COL11A1: variants seen among roughly 807,000 people sequenced by gnomAD.
The protein encoded by COL11A1 is collagen alpha-1(XI) chain.
A neutral mutation model predicts 265.2 loss-of-function variants in COL11A1; 74 were observed. The ratio of observed to expected loss-of-function variants is 0.28; its 90% CI spans 0.23 to 0.34. The LOEUF (loss-of-function observed/expected upper bound fraction) is 0.34. Among genes scored for constraint, COL11A1 ranks in the 10% least tolerant of loss-of-function variants. The pLI is 1.00. For missense variants in COL11A1, 2,165 were observed against 2,263.6 expected, an observed-to-expected ratio of 0.96 and a Z score of 0.88; for synonymous variants, 816 against 727.6, an observed-to-expected ratio of 1.12 and a Z score of -1.96.
intron 4 of COL11A1, among the ~76,000 whole-genome samples, chr1:103,068,344 A>C (rs560261026): frequency 3.3e-5 from 5 of 151,776 alleles, no homozygotes; most frequent in East Asian, 1.9e-4. Flanking sequence ...AGGAAAAAAA[A>C]CCCGCATGAT....
intron 1 of COL11A1, among the ~76,000 whole-genome samples, chr1:103,088,612 C>T (rs1673059215): frequency 6.6e-6 from 1 of 152,132 alleles, no homozygotes; most frequent in African/African-American, 2.4e-5. Context: ...TATATATTGT[C>T]CATAGCTGCT....
intron 53 of COL11A1, among the ~76,000 whole-genome samples, chr1:102,912,586 T>A (rs1423869269): frequency 6.6e-6 from 1 of 152,216 alleles, no homozygotes; most frequent in African/African-American, 2.4e-5. Context: ...TACTATTACT[T>A]TTAAATTTAT....
At chr1:103,005,762 C>A (rs1409536074) in intron 18 of COL11A1, 76 bp downstream of exon 18, 4 of 1,552,540 alleles carry the variant, frequency 2.6e-6, no homozygotes, top group Non-Finnish European at 3.5e-6. Flanking sequence ...TCTTCTTTTT[C>A]TGATTTTGCA....
intron 49 of COL11A1, among the ~76,000 whole-genome samples, chr1:102,918,569 A>C (rs1655616650): frequency 7.2e-6 from 1 of 138,590 alleles, no homozygotes; most frequent in African/African-American, 2.5e-5. Flanking sequence ...TCTTGATTAA[A>C]AAACATCAAC....
At chr1:103,026,579 T>C (rs1419858759) in intron 5 of COL11A1, among the ~76,000 whole-genome samples, 7 of 152,142 alleles carry the variant, frequency 4.6e-5, no homozygotes, top group Non-Finnish European at 8.8e-5. Flanking sequence ...AACAAAAAAT[T>C]TGGAATAATA....
rs1235809386 is a variant in COL11A1, at chr1:102,891,061, T to C, written c.4303-557A>G. Among the ~76,000 whole-genome samples the C allele has an allele frequency of 4.6e-5, 7 of 152,182 alleles. No homozygotes were observed. In the East Asian group the frequency reaches 1.2e-3, roughly 25 times the overall value. On this transcript the variant is annotated intron_variant, in intron 57 of 66. Transcript: ENST00000370096. ...TTCTATAGAATAAGAAGATAATTCCTATATATACTAAATTAAAACATGGAA... is the reference window on the plus strand; with the variant it reads ...TTCTATAGAATAAGAAGATAATTCCCATATATACTAAATTAAAACATGGAA...
At chr1:102,920,430 T>C (rs1310179188) in intron 48 of COL11A1, 66 bp from the exon 49 acceptor site, 22 of 1,369,290 alleles carry the variant, frequency 1.6e-5, no homozygotes, top group Non-Finnish European at 2.1e-5. Flanking sequence ...CGTAAACATA[T>C]GTCTAGTTGT....
chr1:102,903,389 G>A (rs1350445877), intron 54 of COL11A1, among the ~76,000 whole-genome samples: 1 of 152,108 alleles, frequency 6.6e-6, no homozygotes, highest in Non-Finnish European at 1.5e-5. Flanking sequence ...CAGAAAAAAA[G>A]TGGTAATACT....
chr1:102,963,246 G>C (rs1661090586), intron 38 of COL11A1, among the ~76,000 whole-genome samples: 1 of 152,116 alleles, frequency 6.6e-6, no homozygotes, highest in African/African-American at 2.4e-5. Flanking sequence ...AATTTCCATG[G>C]ACTGAAAATT....
intron 4 of COL11A1, among the ~76,000 whole-genome samples, chr1:103,035,442 A>G (rs1668290542): frequency 6.6e-6 from 1 of 152,148 alleles, no homozygotes; most frequent in Non-Finnish European, 1.5e-5. Flanking sequence ...TTGTGCTGAC[A>G]TAAATGAAAT....
At chr1:103,059,450 T>A (rs1435751248) in intron 4 of COL11A1, among the ~76,000 whole-genome samples, 3 of 151,882 alleles carry the variant, frequency 2.0e-5, no homozygotes, top group Admixed American at 1.3e-4. Flanking sequence ...ACCCAGTGCA[T>A]CATGTTCACC....
intron 51 of COL11A1, 104 bp downstream of exon 51, chr1:102,914,600 T>C: frequency 1.0e-6 from 1 of 1,001,168 alleles, no homozygotes; most frequent in Non-Finnish European, 1.5e-6. Flanking sequence ...AAAGTCAGAT[T>C]TACCATCTAT....
At chr1:103,099,075 T>G (rs950903066) in intron 1 of COL11A1, among the ~76,000 whole-genome samples, 1 of 151,798 alleles carries the variant, frequency 6.6e-6, no homozygotes, top group African/African-American at 2.4e-5. Flanking sequence ...CAGCAAAGTT[T>G]TACCAAATGC....
At position 102,900,619 on chromosome 1, in the gene COL11A1, T is replaced by C. The variant is rs537689858; in HGVS notation, c.4087-1625A>G. ...AAAAGATATATCAATACATGGCTTTTAAAAAAGCAAGCCATCTATTGTCTA... is the reference window on the plus strand; with the variant it reads ...AAAAGATATATCAATACATGGCTTTCAAAAAAGCAAGCCATCTATTGTCTA... On this transcript the variant is annotated intron_variant, in intron 54 of 66. Transcript: ENST00000370096. 8.5e-5 allele frequency among the ~76,000 whole-genome samples: 13 copies of C among 152,248 alleles called. 1 individual carries two copies. Among genetic ancestry groups the C allele is most frequent in the Admixed American group, 8.5e-4 (13 of 15,294 alleles).
chr1:103,021,899 G>A, intron 8 of COL11A1, 130 bp from the exon 9 acceptor site: 1 of 715,374 alleles, frequency 1.4e-6, no homozygotes, highest in Non-Finnish European at 2.4e-6. Context: ...CCAGGTTAGA[G>A]TGCAGTGGCT....
chr1:103,012,665 T>A (rs1033132389), intron 13 of COL11A1, among the ~76,000 whole-genome samples, 196 bp from the exon 14 acceptor site: 4 of 152,094 alleles, frequency 2.6e-5, no homozygotes, highest in African/African-American at 9.7e-5. Context: ...TCAGACATTT[T>A]AAAAACTTTT....
chr1:103,002,094 A>C, intron 23 of COL11A1, 125 bp from the exon 24 acceptor site: 1 of 828,494 alleles, frequency 1.2e-6, no homozygotes, highest in Non-Finnish European at 2.0e-6. Flanking sequence ...ATTCCCATAC[A>C]CCCCAAGGAA....
At chr1:102,897,942 T>C (rs1652655125) in intron 57 of COL11A1, among the ~76,000 whole-genome samples, 183 bp downstream of exon 57, 1 of 152,182 alleles carries the variant, frequency 6.6e-6, no homozygotes, top group African/African-American at 2.4e-5. Flanking sequence ...TCTGATCAAG[T>C]GGTTTATTTT....
chr1:103,023,332 G>A (rs1249312287), intron 7 of COL11A1, among the ~76,000 whole-genome samples: 2 of 151,606 alleles, frequency 1.3e-5, no homozygotes, highest in East Asian at 3.9e-4. Flanking sequence ...CAATAAAAAA[G>A]GTATGGAGTT....
Sources: gnomAD v4.1 joint callset for allele counts (sites outside exome capture counted in the v4.1 genomes callset) on GRCh38, gnomAD v4.1.1 for gene constraint, MANE v1.5 for transcripts, NCBI Gene and HGNC (gene_info 2026-07-23, HGNC 2026-07-21) for gene names.